Variants in TNFRSF10B observed in about 807,000 individuals in gnomAD.
The protein encoded by TNFRSF10B is TNF receptor superfamily member 10b.
A neutral mutation model predicts 41.4 loss-of-function variants in TNFRSF10B; 35 were observed. That is an observed-to-expected ratio of 0.85 (90% CI 0.65 to 1.12). The LOEUF is 1.12. Ranked by LOEUF, TNFRSF10B falls within the 50% of genes most tolerant of loss-of-function variation. The probability of loss-of-function intolerance (pLI) is 0.00; values close to 1 mark genes in which losing one functional copy is unlikely to be tolerated. For synonymous variants in TNFRSF10B, 230 were observed against 215.5 expected, an observed-to-expected ratio of 1.07 and a Z score of -0.59; for missense variants, 584 against 552.7, an observed-to-expected ratio of 1.06 and a Z score of -0.57.
chr8:23,038,958 T>A (rs544511491), intron 2 of TNFRSF10B, among the ~76,000 whole-genome samples: 1 of 152,120 alleles, frequency 6.6e-6, no homozygotes, highest in South Asian at 2.1e-4. Flanking sequence ...TCTATCACTA[T>A]TATATGGTAA....
intron 3 of TNFRSF10B, 145 bp downstream of exon 3, chr8:23,030,614 A>G: frequency 1.5e-6 from 1 of 678,104 alleles, no homozygotes; most frequent in Non-Finnish European, 2.7e-6. Context: ...TATTTATTAA[A>G]AAGCTCAAAG....
At chr8:23,045,078 A>G (rs1812318051) in intron 1 of TNFRSF10B, among the ~76,000 whole-genome samples, 1 of 150,138 alleles carries the variant, frequency 6.7e-6, no homozygotes, top group South Asian at 2.1e-4. Context: ...AAAAAAAAAA[A>G]AAAAAGCCAG....
At chr8:23,057,234 A>T (rs544551956) in intron 1 of TNFRSF10B, among the ~76,000 whole-genome samples, 23 of 151,188 alleles carry the variant, frequency 1.5e-4, no homozygotes, top group Admixed American at 1.2e-3. Flanking sequence ...TTCAGTAGAG[A>T]TGGGGTTTCA....
At chr8:23,029,560 G>A in intron 4 of TNFRSF10B, 50 bp downstream of exon 4, 1 of 1,543,386 alleles carries the variant, frequency 6.5e-7, no homozygotes, top group Non-Finnish European at 8.8e-7. Context: ...GGAGACTTGG[G>A]TCTTTTGGGG....
At chr8:23,053,334 G>A (rs1812575974) in intron 1 of TNFRSF10B, among the ~76,000 whole-genome samples, 1 of 152,184 alleles carries the variant, frequency 6.6e-6, no homozygotes, top group East Asian at 1.9e-4. Flanking sequence ...ACAATGTAAT[G>A]TGTATTTAAG....
chr8:23,038,924 G>T (rs895684148), intron 2 of TNFRSF10B, among the ~76,000 whole-genome samples: 3 of 151,996 alleles, frequency 2.0e-5, no homozygotes, highest in Non-Finnish European at 4.4e-5. Flanking sequence ...ATTCAAGCAT[G>T]TTACATTTAT....
chr8:23,061,285 T>A (rs908386186), intron 1 of TNFRSF10B, among the ~76,000 whole-genome samples: 6 of 152,216 alleles, frequency 3.9e-5, no homozygotes, highest in African/African-American at 1.4e-4. Flanking sequence ...TACATCCTCC[T>A]TTATAGCCTG....
chr8:23,068,547 T>G lies in TNFRSF10B; in HGVS notation c.144+204A>C, dbSNP rs1585232890. 3 of 720,952 alleles carry G rather than the reference T, an allele frequency of 4.2e-6. No homozygotes were observed. In the East Asian group the frequency reaches 8.4e-5, roughly 20 times the overall value. 44.7% of individuals were successfully genotyped at this position (720,952 alleles called of 1,614,324 possible). On this transcript the variant is annotated intron_variant, in intron 1 of 8. Transcript: ENST00000276431. ...AATTTACACCAAGTGGAGCGCGCGC[T>G]CTGTTCCCTGGCGGCCCAGGTCGCT...
Position 23,021,834 on chromosome 8 carries a change from C to G in TNFRSF10B, c.*837G>C, listed in dbSNP as rs1811532890. 1 of 454,094 alleles carries G rather than the reference C, an allele frequency of 2.2e-6. No individual in the cohort carries two copies. The highest frequency in any genetic ancestry group is 4.4e-6 in the Non-Finnish European group (1 of 226,776). 28.1% of individuals were successfully genotyped at this position (454,094 alleles called of 1,614,324 possible). On this transcript the variant is annotated 3_prime_UTR_variant, in exon 9 of 9. Transcript: ENST00000276431. ...CCAGACAGTGACATCTTACAGGGGACTTCTTCTTCTTCCCCCATTGTATGT... is the reference window on the plus strand; with the variant it reads ...CCAGACAGTGACATCTTACAGGGGAGTTCTTCTTCTTCCCCCATTGTATGT...
chr8:23,021,423 C>T lies in TNFRSF10B; in HGVS notation c.*1248G>A, dbSNP rs1488688279. On this transcript the variant is annotated 3_prime_UTR_variant, in exon 9 of 9. Coordinates refer to ENST00000276431, the MANE Select transcript of TNFRSF10B (RefSeq NM_003842.5). ...TCCTGAGATGGCAACCATTTCACAC[C>T]ATTCTCAAGCACCATCTACTCTTCC... 4 of 454,014 alleles carry T rather than the reference C, an allele frequency of 8.8e-6. No homozygotes were observed. Among genetic ancestry groups the T allele is most frequent in the African/African-American group, 2.0e-5 (1 of 50,002 alleles). 28.1% of individuals were successfully genotyped at this position (454,014 alleles called of 1,614,324 possible). A position where few individuals can be genotyped will look rare whatever the true frequency, so the allele number is the denominator to read the frequency against.
At chr8:23,033,210 G>T (rs542568156) in intron 2 of TNFRSF10B, among the ~76,000 whole-genome samples, 1 of 152,190 alleles carries the variant, frequency 6.6e-6, no homozygotes, top group Non-Finnish European at 1.5e-5. Context: ...TAGTAGATCT[G>T]CCCTGTGAAA....
chr8:23,029,115 G>A (rs1811802754), intron 4 of TNFRSF10B, among the ~76,000 whole-genome samples: 1 of 152,192 alleles, frequency 6.6e-6, no homozygotes, highest in Non-Finnish European at 1.5e-5. Context: ...AGGGGCCAGG[G>A]GTGAGGCCGG....
rs1229143015 is a variant in TNFRSF10B at position 23,026,416 on chromosome 8, CAG to C, written c.936+715_936+716del. ...GCTAAATGGGCTTGGAAGAAGGAAACAGAGACTCAGAATAATTCAGGGAGTTT... is the reference window on the plus strand; with the variant it reads ...GCTAAATGGGCTTGGAAGAAGGAAACAGACTCAGAATAATTCAGGGAGTTT... On this transcript the variant is annotated intron_variant, in intron 7 of 8. Transcript: ENST00000276431. Among the ~76,000 whole-genome samples, 7 of 152,198 alleles carry C rather than the reference CAG, an allele frequency of 4.6e-5. No individual in the cohort carries two copies. The East Asian group carries it at 9.6e-4, about 21-fold the overall frequency.
intron 7 of TNFRSF10B, among the ~76,000 whole-genome samples, chr8:23,025,586 C>T (rs555384367): frequency 1.3e-5 from 2 of 152,120 alleles, no homozygotes; most frequent in South Asian, 4.1e-4. Context: ...CATGTCAATA[C>T]CACATAAATA....
In TNFRSF10B at chr8:23,028,511, C is replaced by T; in HGVS notation, c.568G>A (p.Glu190Lys). 1.9e-6 allele frequency: 3 copies of T among 1,613,770 alleles called. No individual in the cohort carries two copies. The highest frequency in any genetic ancestry group is 1.7e-4 in the Middle Eastern group (1 of 6,058). ...ACCGTCTCCTCCACAGCTGGGACTT[C>T]CCCACTGTGCTTTGTACCTGATTCT... ...HKESGTKHSG[E>K]VPAVEETVTS... Residue 190 changes from glutamate (E) to lysine (K), a missense_variant, in exon 5 of 9, where the codon GAA (glutamate) becomes AAA (lysine). Coordinates refer to ENST00000276431, the MANE Select transcript of TNFRSF10B (RefSeq NM_003842.5).
intron 2 of TNFRSF10B, among the ~76,000 whole-genome samples, chr8:23,034,960 G>C (rs1365747877): frequency 6.6e-6 from 1 of 152,156 alleles, no homozygotes; most frequent in African/African-American, 2.4e-5. Flanking sequence ...TGAGCAAATC[G>C]CCACATCCCT....
At position 23,024,163 on chromosome 8, in the gene TNFRSF10B, G is replaced by A. The variant is rs750376010; in HGVS notation, c.1009+25C>T. 19 of 1,613,902 alleles carry A rather than the reference G, an allele frequency of 1.2e-5. No individual in the cohort carries two copies. In the East Asian group the frequency reaches 4.0e-4, roughly 34 times the overall value. Reference sequence around the variant, plus strand: ...TGTCCCTATTCCCTCCATTCCTGCTGCATCTCCAGGAGCAAAACACTTACT... The same window carrying A: ...TGTCCCTATTCCCTCCATTCCTGCTACATCTCCAGGAGCAAAACACTTACT... On this transcript the variant is annotated intron_variant, in intron 8 of 8. Transcript: ENST00000276431.
chr8:23,037,489 C>G (rs1812059885), intron 2 of TNFRSF10B, among the ~76,000 whole-genome samples: 1 of 152,226 alleles, frequency 6.6e-6, no homozygotes, highest in Admixed American at 6.5e-5. Context: ...GACTTGCCTT[C>G]CCTGCATGCA....
intron 2 of TNFRSF10B, among the ~76,000 whole-genome samples, chr8:23,033,980 G>T (rs1811960281): frequency 6.6e-6 from 1 of 152,140 alleles, no homozygotes; most frequent in Admixed American, 6.5e-5. Flanking sequence ...TTCAACATAT[G>T]ATTTTGGGGA....
Sources: allele counts gnomAD v4.1 joint callset (sites outside exome capture counted in the v4.1 genomes callset), GRCh38; gene constraint gnomAD v4.1.1; transcripts MANE v1.5; gene names NCBI Gene and HGNC (gene_info 2026-07-23, HGNC 2026-07-21).